IQGAP1: variants seen among roughly 807,000 people sequenced by gnomAD.
IQGAP1 encodes the protein ras GTPase-activating-like protein IQGAP1.
IQGAP1 carries 66 observed loss-of-function variants against 215.6 expected under a neutral mutation model. The ratio of observed to expected loss-of-function variants is 0.31; its 90% CI spans 0.25 to 0.38. The LOEUF (loss-of-function observed/expected upper bound fraction) is 0.38, where lower values mean the gene tolerates loss of function less well. Ranked by LOEUF, IQGAP1 falls within the 10% of genes least tolerant of loss-of-function variation. The probability of loss-of-function intolerance (pLI) is 1.00; values close to 1 mark genes in which losing one functional copy is unlikely to be tolerated. For synonymous variants in IQGAP1, 772 were observed against 728.7 expected (o/e 1.06, Z -0.96); for missense variants, 1,712 against 1,997.1 (o/e 0.86, Z 2.72).
At chr15:90,458,637 C>G (rs1019141680) in intron 15 of IQGAP1, among the ~76,000 whole-genome samples, 1 of 152,168 alleles carries the variant, frequency 6.6e-6, no homozygotes, top group Admixed American at 6.6e-5. Flanking sequence ...TTTCATTGTT[C>G]TGATGACCAG....
chr15:90,431,060 T>C (rs927040311), intron 4 of IQGAP1, among the ~76,000 whole-genome samples: 2 of 148,396 alleles, frequency 1.3e-5, no homozygotes, highest in African/African-American at 4.9e-5. Context: ...ATATTATATA[T>C]ACACAATATA....
Position 90,390,787 on chromosome 15 carries a change from T to C in IQGAP1, c.69T>C (p.Asn23=), listed in dbSNP as rs766493603. 1.5e-5 allele frequency: 24 copies of C among 1,609,558 alleles called. No individual in the cohort carries two copies. Among genetic ancestry groups the C allele is most frequent in the South Asian group, 2.2e-5 (2 of 91,026 alleles). The change falls in exon 2 of 38, where the codon AAT becomes AAC. Residue 23 remains asparagine (N), a synonymous_variant. Coordinates refer to ENST00000268182, the MANE Select transcript of IQGAP1 (RefSeq NM_003870.4). ...TTTATGTTGTAGCTGTCCTGGATAATGAAAGACTTACTGCAGAGGAGATGG... is the reference window on the plus strand; with the variant it reads ...TTTATGTTGTAGCTGTCCTGGATAACGAAAGACTTACTGCAGAGGAGATGG... ...ARPHYGSVLD[N]ERLTAEEMDE...
Position 90,448,742 on chromosome 15 carries a change from CAT to C in IQGAP1, c.1077+8_1077+9del. 3 of 1,562,202 alleles carry C rather than the reference CAT, an allele frequency of 1.9e-6. No individual in the cohort carries two copies. The highest frequency in any genetic ancestry group is 1.4e-5 in the African/African-American group (1 of 72,888). ...ATAAACAGCAGAAGAGACAGGTAAA[CAT>C]AGTCTGGATTGAAGCTGCAAGAGTT... On this transcript the variant is annotated splice_region_variant and intron_variant, in intron 10 of 37. Transcript: ENST00000268182.
At chr15:90,405,994 T>C (rs934547414) in intron 2 of IQGAP1, among the ~76,000 whole-genome samples, 2 of 152,176 alleles carry the variant, frequency 1.3e-5, no homozygotes, top group African/African-American at 4.8e-5. Context: ...AAGCCATAAT[T>C]GTACTAATTG....
chr15:90,455,259 G>T (rs965803132), intron 14 of IQGAP1, among the ~76,000 whole-genome samples: 3 of 152,170 alleles, frequency 2.0e-5, no homozygotes, highest in African/African-American at 7.2e-5. Flanking sequence ...TTGGCTTTGC[G>T]ATTAAACTCA....
intron 7 of IQGAP1, among the ~76,000 whole-genome samples, chr15:90,440,833 G>T (rs990968902): frequency 7.9e-5 from 12 of 152,204 alleles, no homozygotes; most frequent in African/African-American, 1.2e-4. Flanking sequence ...TCCTGGCTGG[G>T]CGTGGTGGCT....
intron 7 of IQGAP1, 131 bp from the exon 8 acceptor site, chr15:90,441,375 G>T (rs1965447055): frequency 1.3e-6 from 1 of 767,096 alleles, no homozygotes; most frequent in African/African-American, 1.8e-5. Context: ...AACCCCAGTT[G>T]TTATTTCTCT....
rs756572106 is a variant in IQGAP1 at position 90,474,152 on chromosome 15, A to G, written c.2575+19A>G. 1.1e-5 allele frequency: 18 copies of G among 1,598,210 alleles called. 1 individual carries two copies. Among genetic ancestry groups the G allele is most frequent in the Middle Eastern group, 1.7e-4 (1 of 5,976 alleles). On this transcript the variant is annotated intron_variant, in intron 22 of 37. Coordinates refer to ENST00000268182, the MANE Select transcript of IQGAP1 (RefSeq NM_003870.4). The stretch of plus-strand genomic sequence containing the variant: ...ACTCTCAGTGAGTAACTGGCTCCGC[A>G]TGAAGAGTTGAGGCAGTGGCTGGGA...
intron 17 of IQGAP1, among the ~76,000 whole-genome samples, chr15:90,467,040 C>A (rs1596281076): frequency 6.6e-6 from 1 of 152,004 alleles, no homozygotes; most frequent in African/African-American, 2.4e-5. Context: ...TGCCGTGAGC[C>A]AAGATCATGC....
rs903663296 is a variant in IQGAP1 at position 90,492,434 on chromosome 15, A to G, written c.4462-111A>G. 6 of 824,908 alleles carry G rather than the reference A, an allele frequency of 7.3e-6. No homozygotes were observed. In the Admixed American group the frequency reaches 1.5e-4, roughly 20 times the overall value. The allele number at this position is 824,908 out of a possible 1,614,324, so 51.1% of individuals were successfully genotyped here. A position where few individuals can be genotyped will look rare whatever the true frequency, so the allele number is the denominator to read the frequency against. On this transcript the variant is annotated intron_variant, in intron 34 of 37. Transcript: ENST00000268182. ...ACAGAGTGTCTAAAAAAAAAAAAAA[A>G]AAAAAAAGTAGGTAGTCATATTTAA...
intron 2 of IQGAP1, among the ~76,000 whole-genome samples, chr15:90,416,558 C>T (rs60792326): frequency 0.18 from 27,719 of 151,058 alleles, 2,645 homozygotes; most frequent in South Asian, 0.23. Context: ...ACATCCTCTC[C>T]AGCACCTGTT....
At chr15:90,482,369 AGT>A in intron 28 of IQGAP1, 88 bp downstream of exon 28, 1 of 1,257,928 alleles carries the variant, frequency 7.9e-7, no homozygotes, top group Non-Finnish European at 1.2e-6. Flanking sequence ...TAACTGCCTA[AGT>A]GTAGGTTCTG....
At chr15:90,497,542 C>A (rs74703611) in intron 37 of IQGAP1, among the ~76,000 whole-genome samples, 2,542 of 152,314 alleles carry the variant, frequency 0.017, 68 homozygotes, top group African/African-American at 0.058. Context: ...GCAGATGTCA[C>A]TCTTCAGAAA....
Position 90,487,000 on chromosome 15 carries a change from T to C in IQGAP1, c.4071T>C (p.Ala1357=). 6 of 1,614,086 alleles carry C rather than the reference T, an allele frequency of 3.7e-6. No individual in the cohort carries two copies. The highest frequency in any genetic ancestry group is 5.1e-6 in the Non-Finnish European group (6 of 1,179,952). Residue 1357 remains alanine, a synonymous_variant, in exon 32 of 38, where the codon GCT becomes GCC. Coordinates refer to ENST00000268182, the MANE Select transcript of IQGAP1 (RefSeq NM_003870.4). ...ATGACCCAAATAAGGAGGCACTGGC[T>C]AAGACGGAAGTGTCTCTCACCCTGA... ...NLNDPNKEAL[A]KTEVSLTLTN...
intron 2 of IQGAP1, among the ~76,000 whole-genome samples, chr15:90,398,078 G>T (rs1332097808): frequency 6.6e-6 from 1 of 151,190 alleles, no homozygotes; most frequent in Non-Finnish European, 1.5e-5. Flanking sequence ...GGAGACGGGG[G>T]TTTCACCATG....
intron 2 of IQGAP1, among the ~76,000 whole-genome samples, chr15:90,394,039 G>A (rs1964676850): frequency 6.6e-6 from 1 of 151,406 alleles, no homozygotes; most frequent in African/African-American, 2.4e-5. Context: ...GGAGGCTGAG[G>A]CAGGAGAATT....
intron 11 of IQGAP1, 133 bp from the exon 12 acceptor site, chr15:90,452,642 A>T: frequency 2.1e-6 from 2 of 972,280 alleles, no homozygotes; most frequent in Non-Finnish European, 3.0e-6. Flanking sequence ...TGCTTTTTTA[A>T]AGACGAAAGT....
At chr15:90,476,890 G>T in intron 24 of IQGAP1, 72 bp downstream of exon 24, 1 of 1,505,674 alleles carries the variant, frequency 6.6e-7, no homozygotes, top group East Asian at 2.3e-5. Flanking sequence ...CCTTACCATC[G>T]ATCTCTCTGG....
chr15:90,441,686 TA>T lies in IQGAP1; in HGVS notation c.828+7del. 1.3e-6 allele frequency: 2 copies of T among 1,589,668 alleles called. No individual in the cohort carries two copies. The highest frequency in any genetic ancestry group is 1.7e-6 in the Non-Finnish European group (2 of 1,163,716). ...AAAATGACAAATGCTAAAAACAGGG[TA>T]AAAATGCAACATCTATTCTTTCTAA... On this transcript the variant is annotated splice_donor_region_variant and intron_variant, in intron 8 of 37. Transcript: ENST00000268182.
Sources: allele counts gnomAD v4.1 joint callset (sites outside exome capture counted in the v4.1 genomes callset), GRCh38; gene constraint gnomAD v4.1.1; transcripts MANE v1.5; gene names NCBI Gene and HGNC (gene_info 2026-07-23, HGNC 2026-07-21).